Variants in HEPH observed in about 807,000 individuals in gnomAD.
The protein encoded by HEPH is hephaestin.
A neutral mutation model predicts 80.8 loss-of-function variants in HEPH; 69 were observed. The ratio of observed to expected loss-of-function variants is 0.85; its 90% CI spans 0.70 to 1.04. The LOEUF is 1.04. HEPH is among the 50% of genes least tolerant of loss of function. The pLI, the probability that HEPH is intolerant of heterozygous loss-of-function variation, is 0.00. For missense variants in HEPH, 1,115 were observed against 891.3 expected, an observed-to-expected ratio of 1.25 and a Z score of -3.20; for synonymous variants, 431 against 322.8, an observed-to-expected ratio of 1.34 and a Z score of -3.60.
intron 20 of HEPH, 114 bp downstream of exon 20, chrX:66,263,802 G>T (rs898633234): frequency 1.5e-5 from 10 of 683,682 alleles, no homozygotes; most frequent in Non-Finnish European, 2.2e-5. Context: ...GAATACATCA[G>T]CAGAAAGTAT....
chrX:66,210,341 C>T (rs773480105), intron 15 of HEPH, among the ~76,000 whole-genome samples: 2 of 111,594 alleles, frequency 1.8e-5, no homozygotes, highest in East Asian at 5.6e-4. Context: ...AGAGAGTAAT[C>T]GGGAGATAAG....
intron 15 of HEPH, among the ~76,000 whole-genome samples, chrX:66,217,702 T>C (rs755914514): frequency 1.8e-5 from 2 of 111,815 alleles, no homozygotes; most frequent in Non-Finnish European, 1.9e-5. Flanking sequence ...TAACATTTAA[T>C]GTAAATGGCC....
chrX:66,193,430 A>T, intron 7 of HEPH, 72 bp from the exon 8 acceptor site: 1 of 677,888 alleles, frequency 1.5e-6, no homozygotes, highest in Non-Finnish European at 2.1e-6. Flanking sequence ...TAACTTGGTG[A>T]GACTAAGGGT....
At chrX:66,230,718 T>C (rs1602438577) in intron 15 of HEPH, among the ~76,000 whole-genome samples, 2 of 106,499 alleles carry the variant, frequency 1.9e-5, no homozygotes, top group African/African-American at 6.9e-5. Context: ...TTCTCCCATT[T>C]TTTAGGTTGC....
chrX:66,244,032 T>G (rs1324462265), intron 15 of HEPH, among the ~76,000 whole-genome samples: 1 of 112,223 alleles, frequency 8.9e-6, no homozygotes, highest in Non-Finnish European at 1.9e-5. Flanking sequence ...GAGTTTCTGC[T>G]GAGAAGTACA....
intron 15 of HEPH, among the ~76,000 whole-genome samples, chrX:66,231,528 T>C (rs1569371035): frequency 1.8e-5 from 2 of 110,527 alleles, no homozygotes; most frequent in African/African-American, 3.3e-5. Context: ...TATTTTATTT[T>C]CTTTGAAGCA....
chrX:66,189,473 TTCTC>T (rs970293821), intron 5 of HEPH, among the ~76,000 whole-genome samples: 9 of 111,332 alleles, frequency 8.1e-5, no homozygotes, highest in Admixed American at 3.8e-4. Context: ...AGTCTTGGTT[TTCTC>T]TCTCTCTCTC....
At chrX:66,246,368 G>A (rs1278517233) in intron 15 of HEPH, among the ~76,000 whole-genome samples, 1 of 111,692 alleles carries the variant, frequency 9.0e-6, no homozygotes, top group Non-Finnish European at 1.9e-5. Context: ...TTAGGTAGAA[G>A]TGAGACCATT....
chrX:66,203,793 C>A (rs2088613635), intron 13 of HEPH, among the ~76,000 whole-genome samples: 1 of 111,015 alleles, frequency 9.0e-6, no homozygotes, highest in Non-Finnish European at 1.9e-5. Context: ...ACACCTTCAC[C>A]CTCTTAATCT....
chrX:66,245,157 A>G (rs1341608832), intron 15 of HEPH, among the ~76,000 whole-genome samples: 2 of 111,299 alleles, frequency 1.8e-5, no homozygotes, highest in African/African-American at 3.3e-5. Flanking sequence ...AATGGGCTAA[A>G]TGCTCCAATT....
At chrX:66,239,547 A>G (rs1469565921) in intron 15 of HEPH, among the ~76,000 whole-genome samples, 1 of 111,520 alleles carries the variant, frequency 9.0e-6, no homozygotes, top group African/African-American at 3.3e-5. Flanking sequence ...TTACTTTCAC[A>G]TAATCATTTT....
rs1324834197 is a variant in HEPH at position 66,195,250 on chromosome X, G to C, written c.1501+21G>C. Reference sequence around the variant, plus strand: ...TGATGGTGAGCCAACAGGGTTTCTAGTAAATGTGGGCTCTAGGTGGTACCA... The same window carrying C: ...TGATGGTGAGCCAACAGGGTTTCTACTAAATGTGGGCTCTAGGTGGTACCA... On this transcript the variant is annotated intron_variant, in intron 9 of 20. Coordinates refer to ENST00000343002, the MANE Select transcript of HEPH (RefSeq NM_001367233.3). 4 of 1,139,398 alleles carry C rather than the reference G, an allele frequency of 3.5e-6. No individual in the cohort carries two copies. The South Asian group carries it at 9.1e-5, about 26-fold the overall frequency. The allele number at this position is 1,139,398 out of a possible 1,213,427, so 93.9% of individuals were successfully genotyped here.
chrX:66,265,627 A>G (rs1046438608), intron 20 of HEPH, among the ~76,000 whole-genome samples: 1 of 111,566 alleles, frequency 9.0e-6, no homozygotes, highest in Admixed American at 9.6e-5. Flanking sequence ...TAATGAAATC[A>G]AAGAAAACTT....
Position 66,200,639 on chromosome X carries a change from T to C in HEPH, c.1964T>C (p.Val655Ala). Residue 655 changes from valine to alanine, a missense_variant, in exon 12 of 21, where the codon GTG becomes GCG. Val to Ala is a moderately conservative substitution (Grantham distance 64). This residue lies in a region of HEPH where 716 missense variants were observed against 523.5 expected (regional missense o/e 1.37). Coordinates refer to ENST00000343002, the MANE Select transcript of HEPH (RefSeq NM_001367233.3). The stretch of plus-strand genomic sequence containing the variant: ...CTCGGCCTGGGCACAGAGACTGATG[T>C]GCATGGAGTCATGTTCCAGGGCAAC... ...HLLGLGTETD[V>A]HGVMFQGNTV... The C allele has an allele frequency of 8.3e-7, 1 of 1,211,209 alleles. No homozygotes were observed. Among genetic ancestry groups the C allele is most frequent in the Non-Finnish European group, 1.1e-6 (1 of 895,102 alleles).
At chrX:66,244,321 G>T (rs756565226) in intron 15 of HEPH, among the ~76,000 whole-genome samples, 1 of 111,363 alleles carries the variant, frequency 9.0e-6, no homozygotes, top group African/African-American at 3.3e-5. Flanking sequence ...CATAGATTTG[G>T]TATCTTTACA....
intron 15 of HEPH, among the ~76,000 whole-genome samples, chrX:66,243,992 A>G (rs947696285): frequency 8.9e-6 from 1 of 112,025 alleles, no homozygotes; most frequent in Non-Finnish European, 1.9e-5. Flanking sequence ...AAGATGCTTT[A>G]TATAGGCCCC....
Position 66,266,467 on chromosome X carries a change from G to A in HEPH, c.3272G>A (p.Gly1091Asp), listed in dbSNP as rs2091540853. 1.7e-6 allele frequency: 2 copies of A among 1,205,899 alleles called. No homozygotes were observed. The highest frequency in any genetic ancestry group is 2.2e-5 in the Admixed American group (1 of 45,401). The change falls in exon 21 of 21, where the codon GGC (glycine) becomes GAC (aspartate). Residue 1091 changes from glycine to aspartate, a missense_variant. Physicochemically the swap from Gly to Asp is moderately conservative, Grantham distance 94. Around this residue, in one of 3 missense-constraint regions of HEPH, gnomAD observed 716 missense variants for 523.5 expected, o/e 1.37. Transcript: ENST00000343002. ...KAVPPRDIEE[G>D]NVKMLGMQIP... ...GTGCCCCCCAGAGACATTGAAGAAG[G>A]CAATGTGAAGATGCTGGGCATGCAG...
intron 15 of HEPH, among the ~76,000 whole-genome samples, chrX:66,222,924 T>C (rs763434821): frequency 1.8e-5 from 2 of 112,006 alleles, no homozygotes; most frequent in African/African-American, 6.5e-5. Context: ...ATAGAATAGA[T>C]GAAAGAGTTA....
At position 66,189,780 on chromosome X, in the gene HEPH, A is replaced by G. The variant is rs2087691031; in HGVS notation, c.905A>G (p.Asp302Gly). The change falls in exon 6 of 21, where the codon GAT becomes GGT. Residue 302 changes from aspartate to glycine, a missense_variant. Physicochemically the swap from Asp to Gly is moderately conservative, Grantham distance 94. Transcript: ENST00000343002. ...TTGTTTGGCATGGGCAATGAAATTG[A>G]TGTCCACACAGCATTTTTCCATGGA... ...WHLFGMGNEI[D>G]VHTAFFHGQM... 1 of 1,211,272 alleles carries G rather than the reference A, an allele frequency of 8.3e-7. No individual in the cohort carries two copies. The highest frequency in any genetic ancestry group is 1.7e-5 in the African/African-American group (1 of 57,644).
Sources: allele counts gnomAD v4.1 joint callset (sites outside exome capture counted in the v4.1 genomes callset), GRCh38; gene constraint gnomAD v4.1.1; regional missense constraint gnomAD v4.1.1; transcripts MANE v1.5; gene names NCBI Gene and HGNC (gene_info 2026-07-23, HGNC 2026-07-21).